The following WDFY2 variants were observed in gnomAD, a reference collection of about 807,000 sequenced individuals.
WDFY2 encodes WD repeat and FYVE domain containing 2, also known as WD repeat and FYVE domain-containing protein 2.
WDFY2 carries 36 observed loss-of-function variants against 56.4 expected under a neutral mutation model. That is an observed-to-expected ratio of 0.64 (90% CI 0.49 to 0.84). The LOEUF (loss-of-function observed/expected upper bound fraction) is 0.84, where lower values mean the gene tolerates loss of function less well. Ranked by LOEUF, WDFY2 falls within the 40% of genes least tolerant of loss-of-function variation. The pLI, the probability that WDFY2 is intolerant of heterozygous loss-of-function variation, is 0.00. For missense variants in WDFY2, 444 were observed against 512.2 expected (o/e 0.87, Z 1.29); for synonymous variants, 176 against 183.7 (o/e 0.96, Z 0.34).
At position 51,584,530 on chromosome 13, in the gene WDFY2, T is replaced by C. The variant is rs1953895239; in HGVS notation, c.-158T>C. ...CCTGAAGCAGGGAGCGCGGAGTCGT[T>C]CCCGAGAGAGGCGGCCAGGCTATGC... On this transcript the variant is annotated 5_prime_UTR_variant, in exon 1 of 12. Transcript: ENST00000298125. The C allele has an allele frequency of 3.8e-6, 4 of 1,059,380 alleles. No homozygotes were observed. The highest frequency in any genetic ancestry group is 2.7e-5 in the East Asian group (1 of 36,892). The allele number at this position is 1,059,380 out of a possible 1,614,324, so 65.6% of individuals were successfully genotyped here.
chr13:51,727,535 G>A, intron 5 of WDFY2, 143 bp from the exon 6 acceptor site: 1 of 685,050 alleles, frequency 1.5e-6, no homozygotes, highest in East Asian at 2.8e-5. Context: ...ATTTAGTTAA[G>A]TTCACTTTTG....
intron 1 of WDFY2, among the ~76,000 whole-genome samples, chr13:51,641,259 C>T (rs550916069): frequency 1.4e-4 from 22 of 151,868 alleles, no homozygotes; most frequent in African/African-American, 4.6e-4. Flanking sequence ...TTAGTAGAGA[C>T]GGAATTTCCA....
rs1256452962 is a variant in WDFY2, at chr13:51,763,271, A to G, written c.*3502A>G. 6.6e-6 allele frequency: 1 copy of G among 152,190 alleles called. No individual in the cohort carries two copies. Among genetic ancestry groups the G allele is most frequent in the Non-Finnish European group, 1.5e-5 (1 of 68,046 alleles). The allele number at this position is 152,190 out of a possible 1,614,324, so 9.4% of individuals were successfully genotyped here. A position where few individuals can be genotyped will look rare whatever the true frequency, so the allele number is the denominator to read the frequency against. On this transcript the variant is annotated 3_prime_UTR_variant, in exon 12 of 12. Transcript: ENST00000298125. Reference sequence around the variant, plus strand: ...CTCTGGAACCAGCTTTGTTCCTCTTATCGAAAGCATATATGACAGTTTTTT... The same window carrying G: ...CTCTGGAACCAGCTTTGTTCCTCTTGTCGAAAGCATATATGACAGTTTTTT...
chr13:51,716,420 C>T (rs909561171), intron 4 of WDFY2, among the ~76,000 whole-genome samples: 9 of 152,064 alleles, frequency 5.9e-5, no homozygotes, highest in South Asian at 4.1e-4. Flanking sequence ...GGGCCGGGCG[C>T]GGTGGCTCAC....
chr13:51,651,329 T>C (rs1242873393), intron 1 of WDFY2, among the ~76,000 whole-genome samples: 3 of 152,146 alleles, frequency 2.0e-5, no homozygotes, highest in Non-Finnish European at 1.5e-5. Context: ...GTCTTGCTAG[T>C]GGTCTATCAA....
chr13:51,707,190 C>T lies in WDFY2; in HGVS notation c.334+3540C>T, dbSNP rs534650050. ...GGGGGGCAGCAGGGAGACAGGGTCT[C>T]AATCAGTTGCCCAGGCTAGAGTGCA... On this transcript the variant is annotated intron_variant, in intron 4 of 11. Transcript: ENST00000298125. Among the ~76,000 whole-genome samples, 61 of 152,254 alleles carry T rather than the reference C, an allele frequency of 4.0e-4. No individual in the cohort carries two copies. The South Asian group carries it at 4.6e-3, about 11-fold the overall frequency.
In WDFY2 at chr13:51,759,455, G is replaced by A. The variant is rs1176584692; in HGVS notation, c.1174-285G>A. On this transcript the variant is annotated intron_variant, in intron 11 of 11. Transcript: ENST00000298125. The stretch of plus-strand genomic sequence containing the variant: ...TTTCCCTTTTAGTGACTCACAGGAG[G>A]ATCTGCAGTGTAGCTTGTCTTCCCA... Among the ~76,000 whole-genome samples the A allele has an allele frequency of 2.0e-5, 3 of 152,234 alleles. No homozygotes were observed. In the East Asian group the frequency reaches 5.8e-4, roughly 29 times the overall value.
chr13:51,700,924 AC>A (rs1211133948), intron 3 of WDFY2, among the ~76,000 whole-genome samples: 1 of 152,080 alleles, frequency 6.6e-6, no homozygotes, highest in Non-Finnish European at 1.5e-5. Context: ...CCAAGATCGC[AC>A]CATTGCACTC....
intron 7 of WDFY2, among the ~76,000 whole-genome samples, chr13:51,748,449 A>G (rs1953154171): frequency 6.6e-6 from 1 of 152,214 alleles, no homozygotes. Flanking sequence ...TTTATTTCTA[A>G]CAAGAGTTGT....
chr13:51,716,619 G>A (rs1218275405), intron 4 of WDFY2, among the ~76,000 whole-genome samples: 1 of 148,392 alleles, frequency 6.7e-6, no homozygotes, highest in Admixed American at 6.7e-5. Flanking sequence ...CGTGAACCCG[G>A]GAGGCGGAGC....
chr13:51,712,494 G>A (rs1952244759), intron 4 of WDFY2, among the ~76,000 whole-genome samples: 1 of 152,018 alleles, frequency 6.6e-6, no homozygotes, highest in Admixed American at 6.6e-5. Context: ...TGATGCCATA[G>A]CAGTATTTAA....
intron 4 of WDFY2, among the ~76,000 whole-genome samples, chr13:51,717,228 A>AT (rs1312730708): frequency 1.3e-5 from 2 of 151,978 alleles, no homozygotes; most frequent in Non-Finnish European, 2.9e-5. Flanking sequence ...TATCTTTGAA[A>AT]TTTTTTTTCA....
intron 3 of WDFY2, among the ~76,000 whole-genome samples, chr13:51,692,200 A>C (rs921834403): frequency 3.3e-5 from 5 of 152,262 alleles, no homozygotes; most frequent in African/African-American, 9.6e-5. Flanking sequence ...TCTCTTGCCT[A>C]ATTGCCCTGG....
rs776816687 is a variant in WDFY2, at chr13:51,755,361, C to A, written c.835C>A (p.Pro279Thr). Reference sequence around the variant, plus strand: ...GTTCTGTGCTTTATTTGACAAGACCCCTGAATGGTTGGACAGTGATTCCTG... The same window carrying A: ...GTTCTGTGCTTTATTTGACAAGACCACTGAATGGTTGGACAGTGATTCCTG... ...WNMDVERQET[P>T]EWLDSDSCQK... is the part of the protein sequence containing the mutation. The change falls in exon 9 of 12, where the codon CCT (proline) becomes ACT (threonine). Residue 279 changes from proline to threonine, a missense_variant. Coordinates refer to ENST00000298125, the MANE Select transcript of WDFY2 (RefSeq NM_052950.4). 6.2e-7 allele frequency: 1 copy of A among 1,614,168 alleles called. No homozygotes were observed. Among genetic ancestry groups the A allele is most frequent in the African/African-American group, 1.3e-5 (1 of 75,036 alleles).
chr13:51,747,342 A>G (rs569830591), intron 7 of WDFY2, among the ~76,000 whole-genome samples: 1 of 152,100 alleles, frequency 6.6e-6, no homozygotes, highest in South Asian at 2.1e-4. Flanking sequence ...ATTATAGACA[A>G]TAACGACATC....
chr13:51,643,459 T>C (rs147400980), intron 1 of WDFY2, among the ~76,000 whole-genome samples: 1,967 of 152,352 alleles, frequency 0.013, 13 homozygotes, highest in Non-Finnish European at 0.02. Context: ...ACACAGACCA[T>C]GCCCTCCCAC....
At chr13:51,677,911 G>A (rs1364580482) in intron 3 of WDFY2, among the ~76,000 whole-genome samples, 1 of 152,140 alleles carries the variant, frequency 6.6e-6, no homozygotes, top group Non-Finnish European at 1.5e-5. Flanking sequence ...TATAGGAGAG[G>A]AATGCCTTTT....
In WDFY2 at chr13:51,760,540, G is replaced by C. The variant is rs1033800381; in HGVS notation, c.*771G>C. 3.9e-5 allele frequency: 6 copies of C among 152,100 alleles called. No homozygotes were observed. The highest frequency in any genetic ancestry group is 1.4e-4 in the African/African-American group (6 of 41,398). The allele number at this position is 152,100 out of a possible 1,614,324, so 9.4% of individuals were successfully genotyped here. Reference sequence around the variant, plus strand: ...TTAACTCAGAGCTTCAACGATCAGTGCCTGGATCATTTAGAATTCAGTTGG... The same window carrying C: ...TTAACTCAGAGCTTCAACGATCAGTCCCTGGATCATTTAGAATTCAGTTGG... On this transcript the variant is annotated 3_prime_UTR_variant, in exon 12 of 12. Coordinates refer to ENST00000298125, the MANE Select transcript of WDFY2 (RefSeq NM_052950.4).
chr13:51,704,229 T>C (rs372617359), intron 4 of WDFY2, among the ~76,000 whole-genome samples: 2 of 152,220 alleles, frequency 1.3e-5, no homozygotes, highest in African/African-American at 4.8e-5. Context: ...GCCTCTACTT[T>C]AGTACCTCCA....
Sources: allele counts gnomAD v4.1 joint callset (sites outside exome capture counted in the v4.1 genomes callset), GRCh38; gene constraint gnomAD v4.1.1; transcripts MANE v1.5; gene names NCBI Gene and HGNC (gene_info 2026-07-23, HGNC 2026-07-21).